CEP63: variants seen among roughly 807,000 people sequenced by gnomAD.
CEP63 encodes centrosomal protein of 63 kDa.
Under a neutral mutation model 89.1 loss-of-function variants are expected in CEP63, and 84 were observed. That is an observed-to-expected ratio of 0.94 (90% CI 0.79 to 1.13). CEP63 has a LOEUF of 1.13. Among genes scored for constraint, CEP63 ranks in the 50% most tolerant of loss-of-function variants. The pLI is 0.00. For synonymous variants in CEP63, 267 were observed against 272.5 expected, an observed-to-expected ratio of 0.98 and a Z score of 0.20; for missense variants, 838 against 813.3, an observed-to-expected ratio of 1.03 and a Z score of -0.37.
At chr3:134,595,337 C>A in the CEP63 span, among the ~76,000 whole-genome samples, 1 of 152,190 alleles carries the variant, frequency 6.6e-6, no homozygotes, top group Non-Finnish European at 1.5e-5. Flanking sequence ...GTTAAGTTTC[C>A]TGAGGCCTCC....
At chr3:134,572,816 A>T (rs1394660499) in intron 11 of CEP63, among the ~76,000 whole-genome samples, 7 of 152,140 alleles carry the variant, frequency 4.6e-5, no homozygotes, top group Non-Finnish European at 7.4e-5. Flanking sequence ...TTTTAAGTTC[A>T]TTGAGAAATC....
At chr3:134,768,820 G>A in the CEP63 span, among the ~76,000 whole-genome samples, 367 of 152,328 alleles carry the variant, frequency 2.4e-3, 1 homozygote, top group African/African-American at 8.5e-3. Flanking sequence ...GTAAGATAGG[G>A]AGACTATCCA....
chr3:134,565,790 A>T (rs1399217203), downstream of CEP63, among the ~76,000 whole-genome samples: 1 of 152,100 alleles, frequency 6.6e-6, no homozygotes, highest in African/African-American at 2.4e-5. Context: ...AAAAAAAAAA[A>T]ATCATAGACT....
At chr3:134,604,610 T>G in the CEP63 span, 1 of 721,472 alleles carries the variant, frequency 1.4e-6, no homozygotes, top group Non-Finnish European at 2.2e-6. Context: ...TGTTAATACT[T>G]TCACCACAGT....
chr3:134,582,562 C>T (rs1436190977), intron 10 of CEP63, among the ~76,000 whole-genome samples: 1 of 152,328 alleles, frequency 6.6e-6, no homozygotes, highest in South Asian at 2.1e-4. Context: ...CCCACATTTT[C>T]TTAATCCAGT....
At chr3:134,638,256 A>G in the CEP63 span, among the ~76,000 whole-genome samples, 1 of 152,290 alleles carries the variant, frequency 6.6e-6, no homozygotes, top group Non-Finnish European at 1.5e-5. Flanking sequence ...GAGTGGAGAG[A>G]GTTTGCTGGC....
chr3:134,739,695 C>A, the CEP63 span, among the ~76,000 whole-genome samples: 1 of 147,080 alleles, frequency 6.8e-6, no homozygotes, highest in African/African-American at 2.5e-5. Flanking sequence ...ACATGCAAAT[C>A]AATGCTTGTT....
the CEP63 span, among the ~76,000 whole-genome samples, chr3:134,690,252 A>C: frequency 6.6e-6 from 1 of 152,238 alleles, no homozygotes; most frequent in Non-Finnish European, 1.5e-5. Flanking sequence ...AATTGCTGGG[A>C]AGATAAAATG....
intron 3 of CEP63, 83 bp from the exon 4 acceptor site, chr3:134,531,762 C>G: frequency 2.9e-6 from 3 of 1,028,246 alleles, no homozygotes; most frequent in Non-Finnish European, 4.6e-6. Context: ...CAAATAAATA[C>G]AGAGATTATT....
chr3:134,501,345 A>G (rs906450745), intron 2 of CEP63, among the ~76,000 whole-genome samples: 9 of 152,176 alleles, frequency 5.9e-5, no homozygotes, highest in African/African-American at 1.9e-4. Flanking sequence ...GAATTTTAAA[A>G]TAGTTTTTTT....
the CEP63 span, among the ~76,000 whole-genome samples, chr3:134,614,883 C>T: frequency 6.6e-6 from 1 of 152,080 alleles, no homozygotes; most frequent in Non-Finnish European, 1.5e-5. Context: ...GTAGACTTTC[C>T]CAAATCTGAT....
the CEP63 span, among the ~76,000 whole-genome samples, chr3:134,740,265 C>A: frequency 3.0e-5 from 4 of 134,138 alleles, no homozygotes; most frequent in East Asian, 2.2e-4. Context: ...TTATTCTTTT[C>A]TTTTATTTAT....
chr3:134,579,127 T>C (rs1958287401), downstream of CEP63, among the ~76,000 whole-genome samples: 1 of 152,268 alleles, frequency 6.6e-6, no homozygotes, highest in Non-Finnish European at 1.5e-5. Flanking sequence ...ACCGTATTTT[T>C]GTATGTATAC....
intron 3 of CEP63, among the ~76,000 whole-genome samples, chr3:134,513,415 A>T (rs999198064): frequency 6.6e-6 from 1 of 152,204 alleles, no homozygotes. Context: ...TTAATATTTG[A>T]TAATGGCAGA....
the CEP63 span, among the ~76,000 whole-genome samples, chr3:134,664,902 C>A: frequency 6.6e-6 from 1 of 152,144 alleles, no homozygotes. Context: ...TTCCCCTATC[C>A]CCCAGTGAAG....
intron 8 of CEP63, among the ~76,000 whole-genome samples, chr3:134,546,620 G>A (rs1953403723): frequency 6.6e-6 from 1 of 152,170 alleles, no homozygotes; most frequent in Non-Finnish European, 1.5e-5. Context: ...GCCTCCCAAA[G>A]TGCTGGGATT....
chr3:134,781,575 G>C, the CEP63 span, among the ~76,000 whole-genome samples: 750 of 152,274 alleles, frequency 4.9e-3, 7 homozygotes, highest in African/African-American at 0.017. Flanking sequence ...CCTGGGTGAT[G>C]GATCATTTGT....
chr3:134,540,936 C>T (rs1167459760), intron 6 of CEP63, among the ~76,000 whole-genome samples: 1 of 152,012 alleles, frequency 6.6e-6, no homozygotes, highest in African/African-American at 2.4e-5. Flanking sequence ...TGCTCACCAC[C>T]ACGCTCAGCT....
intron 3 of CEP63, among the ~76,000 whole-genome samples, chr3:134,529,074 TA>T (rs1187456227): frequency 6.6e-6 from 1 of 152,230 alleles, no homozygotes; most frequent in African/African-American, 2.4e-5. Context: ...TAATCTGTAT[TA>T]ACATTTGGTG....
Sources: gnomAD v4.1 joint callset for allele counts (sites outside exome capture counted in the v4.1 genomes callset) on GRCh38, gnomAD v4.1.1 for gene constraint, MANE v1.5 for transcripts, NCBI Gene and HGNC (gene_info 2026-07-23, HGNC 2026-07-21) for gene names.